Variants in VIT observed in about 807,000 individuals in gnomAD.
VIT encodes vitrin.
A neutral mutation model predicts 78.0 loss-of-function variants in VIT; 99 were observed. The observed-to-expected ratio is 1.27, with a 90% CI of 1.08 to 1.50. The LOEUF is 1.50. Ranked by LOEUF, VIT falls within the 40% of genes most tolerant of loss-of-function variation. The pLI, the probability that VIT is intolerant of heterozygous loss-of-function variation, is 0.00. For missense variants in VIT, 1,126 were observed against 875.3 expected, an observed-to-expected ratio of 1.29 and a Z score of -3.61; for synonymous variants, 374 against 334.3, an observed-to-expected ratio of 1.12 and a Z score of -1.29.
intron 3 of VIT, among the ~76,000 whole-genome samples, chr2:36,733,910 A>C (rs1274309667): frequency 1.3e-5 from 2 of 152,242 alleles, no homozygotes; most frequent in African/African-American, 2.4e-5. Context: ...GATACCTCAA[A>C]ATATATCTTA....
intron 12 of VIT, among the ~76,000 whole-genome samples, chr2:36,788,985 C>A (rs754213197): frequency 1.3e-5 from 2 of 152,130 alleles, no homozygotes; most frequent in Non-Finnish European, 2.9e-5. Context: ...CCAATGTGAT[C>A]GCCATTCACA....
chr2:36,714,331 G>A (rs1362529283), intron 1 of VIT, among the ~76,000 whole-genome samples: 3 of 152,304 alleles, frequency 2.0e-5, no homozygotes, highest in African/African-American at 7.2e-5. Context: ...ACTAGATGGT[G>A]ATTATCTGTT....
intron 1 of VIT, among the ~76,000 whole-genome samples, chr2:36,705,722 C>T (rs1665374581): frequency 6.6e-6 from 1 of 152,194 alleles, no homozygotes; most frequent in South Asian, 2.1e-4. Context: ...CACAAAAGTA[C>T]ATAGAATATT....
At chr2:36,714,839 G>T (rs7591513) in intron 1 of VIT, among the ~76,000 whole-genome samples, 142,662 of 152,232 alleles carry the variant, frequency 0.94, 67,564 homozygotes, top group East Asian at 1. Context: ...TGACGTATTG[G>T]GTGGATTCAA....
intron 1 of VIT, among the ~76,000 whole-genome samples, chr2:36,699,277 T>C (rs1375981581): frequency 1.0e-5 from 1 of 95,964 alleles, no homozygotes; most frequent in Non-Finnish European, 2.3e-5. Flanking sequence ...CAAGATAGTC[T>C]CTAAGCTTCC....
intron 4 of VIT, among the ~76,000 whole-genome samples, chr2:36,750,262 A>G (rs1402332781): frequency 1.3e-5 from 2 of 152,216 alleles, no homozygotes; most frequent in Non-Finnish European, 2.9e-5. Flanking sequence ...ACACCCATAC[A>G]TGCCTCCCAC....
intron 6 of VIT, among the ~76,000 whole-genome samples, chr2:36,761,670 G>A (rs1669130427): frequency 6.6e-6 from 1 of 152,060 alleles, no homozygotes. Context: ...AACCCGGGAG[G>A]TGGAGGTTGC....
At chr2:36,785,733 G>C (rs141082593) in intron 11 of VIT, among the ~76,000 whole-genome samples, 382 of 152,286 alleles carry the variant, frequency 2.5e-3, no homozygotes, top group African/African-American at 8.7e-3. Flanking sequence ...ATGGAGTGAA[G>C]TCAGCCAGTG....
intron 3 of VIT, among the ~76,000 whole-genome samples, chr2:36,738,959 G>A (rs754900228): frequency 1.2e-4 from 19 of 152,116 alleles, no homozygotes; most frequent in Non-Finnish European, 2.4e-4. Context: ...TGCTTCAAAG[G>A]AAGAATTAAA....
chr2:36,778,619 TG>T (rs1670212606), intron 9 of VIT, among the ~76,000 whole-genome samples: 2 of 152,198 alleles, frequency 1.3e-5, no homozygotes, highest in African/African-American at 4.8e-5. Flanking sequence ...GACGCTTTGT[TG>T]GCATGATGGC....
rs1376079767 is a variant in VIT, at chr2:36,805,652, C to A, written c.1377C>A (p.Asn459Lys). Residue 459 changes from asparagine (N) to lysine (K), a missense_variant, in exon 14 of 16, where the codon AAC becomes AAA. Physicochemically the swap from Asn to Lys is moderately conservative, Grantham distance 94. Transcript: ENST00000379242. ...ENEKQYVVEP[N>K]FANKAVCRTN... Reference sequence around the variant, plus strand: ...AGAAGCAGTATGTGGTGGAGCCCAACTTTGCAAACAAGGTAGATGACTGCC... The same window carrying A: ...AGAAGCAGTATGTGGTGGAGCCCAAATTTGCAAACAAGGTAGATGACTGCC... The A allele has an allele frequency of 6.2e-7, 1 of 1,613,544 alleles. No individual in the cohort carries two copies. The highest frequency in any genetic ancestry group is 1.7e-5 in the Admixed American group (1 of 59,982).
intron 12 of VIT, among the ~76,000 whole-genome samples, chr2:36,797,324 T>G (rs1665976004): frequency 6.6e-6 from 1 of 152,232 alleles, no homozygotes; most frequent in Non-Finnish European, 1.5e-5. Context: ...AAACATCCAC[T>G]GCAGAAGCTG....
chr2:36,804,380 G>T (rs1666550399), intron 13 of VIT, among the ~76,000 whole-genome samples: 1 of 152,222 alleles, frequency 6.6e-6, no homozygotes, highest in Non-Finnish European at 1.5e-5. Flanking sequence ...GCTCTGTACA[G>T]CCAGCAGGAG....
At chr2:36,756,946 T>C (rs1488567565) in intron 5 of VIT, among the ~76,000 whole-genome samples, 3 of 152,178 alleles carry the variant, frequency 2.0e-5, no homozygotes, top group African/African-American at 7.2e-5. Flanking sequence ...TGAAAATCAA[T>C]CTGCTGATAT....
At chr2:36,790,023 T>C (rs1665378154) in intron 12 of VIT, among the ~76,000 whole-genome samples, 1 of 152,196 alleles carries the variant, frequency 6.6e-6, no homozygotes, top group Admixed American at 6.5e-5. Flanking sequence ...TGAGTCAGAA[T>C]TTAGACTTAT....
intron 12 of VIT, among the ~76,000 whole-genome samples, chr2:36,798,176 T>A (rs545929998): frequency 1.4e-4 from 22 of 152,214 alleles, no homozygotes; most frequent in African/African-American, 3.9e-4. Flanking sequence ...AGTTTAGCAA[T>A]GGGAATTTCT....
At chr2:36,701,630 T>A (rs202161887) in intron 1 of VIT, among the ~76,000 whole-genome samples, 1 of 140,894 alleles carries the variant, frequency 7.1e-6, no homozygotes, top group Non-Finnish European at 1.6e-5. Context: ...AAGAAAAAAA[T>A]ATACCTATGC....
intron 12 of VIT, among the ~76,000 whole-genome samples, chr2:36,796,760 C>T (rs1230837151): frequency 3.9e-5 from 6 of 151,978 alleles, no homozygotes; most frequent in Admixed American, 3.9e-4. Context: ...AACCACCATG[C>T]CTGGCCTGTA....
At chr2:36,715,593 C>G (rs1316297126) in intron 1 of VIT, among the ~76,000 whole-genome samples, 2 of 151,750 alleles carry the variant, frequency 1.3e-5, no homozygotes, top group East Asian at 3.9e-4. Context: ...CACTGGTTCT[C>G]AAACTTGGAT....
Sources: gnomAD v4.1 joint callset for allele counts (sites outside exome capture counted in the v4.1 genomes callset) on GRCh38, gnomAD v4.1.1 for gene constraint, MANE v1.5 for transcripts, NCBI Gene and HGNC (gene_info 2026-07-23, HGNC 2026-07-21) for gene names.